The following RALGAPA2 variants were observed in gnomAD, a reference collection of about 807,000 sequenced individuals.
The protein encoded by RALGAPA2 is ral GTPase-activating protein subunit alpha-2.
In RALGAPA2, 139 loss-of-function variants were observed where a neutral mutation model predicts 230.4. That is an observed-to-expected ratio of 0.60 (90% CI 0.53 to 0.69). The LOEUF (loss-of-function observed/expected upper bound fraction) is 0.69. RALGAPA2 is among the 30% of genes least tolerant of loss of function. The pLI is 0.00. For missense variants in RALGAPA2, 2,163 were observed against 2,276.0 expected, an observed-to-expected ratio of 0.95 and a Z score of 1.01; for synonymous variants, 847 against 837.8, an observed-to-expected ratio of 1.01 and a Z score of -0.19.
chr20:20,649,038 GCA>G (rs1348311410), intron 4 of RALGAPA2, among the ~76,000 whole-genome samples: 1 of 152,152 alleles, frequency 6.6e-6, no homozygotes, highest in African/African-American at 2.4e-5. Flanking sequence ...AGGGGAAGAA[GCA>G]CAGAGCAGTA....
At chr20:20,689,086 TAA>T (rs2068805801) in intron 1 of RALGAPA2, among the ~76,000 whole-genome samples, 1 of 152,246 alleles carries the variant, frequency 6.6e-6, no homozygotes. Context: ...ATCTATTATA[TAA>T]AAGTCTCTAT....
intron 2 of RALGAPA2, among the ~76,000 whole-genome samples, chr20:20,678,556 C>T (rs1251134069): frequency 1.3e-5 from 2 of 152,066 alleles, no homozygotes; most frequent in South Asian, 2.1e-4. Flanking sequence ...GTCACCTGTA[C>T]GCTCCTCTCC....
intron 1 of RALGAPA2, among the ~76,000 whole-genome samples, chr20:20,687,984 T>C (rs2068766073): frequency 6.6e-6 from 1 of 152,152 alleles, no homozygotes; most frequent in Non-Finnish European, 1.5e-5. Context: ...GTACCTCCTA[T>C]GCGTGCAGTA....
chr20:20,629,826 T>A (rs533581868), intron 9 of RALGAPA2, among the ~76,000 whole-genome samples: 2 of 152,342 alleles, frequency 1.3e-5, no homozygotes, highest in East Asian at 3.9e-4. Context: ...TACTAAGCTA[T>A]TTCAGAAAGG....
intron 18 of RALGAPA2, among the ~76,000 whole-genome samples, chr20:20,588,869 GT>G (rs1376062659): frequency 1.3e-5 from 2 of 151,504 alleles, no homozygotes; most frequent in Admixed American, 1.3e-4. Flanking sequence ...TATGTTTTTT[GT>G]TTTTTGTTTT....
intron 37 of RALGAPA2, among the ~76,000 whole-genome samples, chr20:20,421,409 G>A (rs1408512479): frequency 2.6e-5 from 4 of 152,148 alleles, no homozygotes; most frequent in Admixed American, 1.3e-4. Context: ...AGTGGCTCAC[G>A]CCTGTAATCC....
chr20:20,452,016 C>A (rs1179456594), intron 37 of RALGAPA2, among the ~76,000 whole-genome samples: 1 of 152,194 alleles, frequency 6.6e-6, no homozygotes, highest in Non-Finnish European at 1.5e-5. Flanking sequence ...AGAAAGTTAA[C>A]TTCTACTAAA....
chr20:20,580,390 T>A (rs1223630679), intron 20 of RALGAPA2, among the ~76,000 whole-genome samples: 1 of 152,116 alleles, frequency 6.6e-6, no homozygotes, highest in Non-Finnish European at 1.5e-5. Flanking sequence ...ACCCTCCAAC[T>A]ACCTCCTTTC....
At position 20,503,450 on chromosome 20, in the gene RALGAPA2, G is replaced by A. The variant is rs758352534; in HGVS notation, c.5109C>T (p.Thr1703=). 3.0e-5 allele frequency: 49 copies of A among 1,607,242 alleles called. No homozygotes were observed. Among genetic ancestry groups the A allele is most frequent in the Non-Finnish European group, 3.7e-5 (43 of 1,177,034 alleles). ...TAGCATAGTAAGGGGCCGTCTGCCC[G>A]GTGCTGCCATTGCGCTGAAGGCCAC... ...FMGGLQRNGS[T]GQTAPYYATS... The change falls in exon 35 of 40, where the codon ACC becomes ACT. Residue 1703 remains threonine (T), a synonymous_variant. Coordinates refer to ENST00000202677, the MANE Select transcript of RALGAPA2 (RefSeq NM_020343.4).
intron 1 of RALGAPA2, among the ~76,000 whole-genome samples, chr20:20,700,197 A>C (rs1389339716): frequency 6.6e-6 from 1 of 152,190 alleles, no homozygotes; most frequent in Non-Finnish European, 1.5e-5. Context: ...TAAGCGAATT[A>C]ATGCAGGAAC....
chr20:20,409,439 A>G (rs529907504), intron 38 of RALGAPA2, among the ~76,000 whole-genome samples: 6 of 152,348 alleles, frequency 3.9e-5, no homozygotes, highest in African/African-American at 1.4e-4. Flanking sequence ...GTGCATACGC[A>G]TGTGAGCCCA....
chr20:20,572,228 A>G (rs1213858607), intron 21 of RALGAPA2, among the ~76,000 whole-genome samples: 1 of 152,164 alleles, frequency 6.6e-6, no homozygotes, highest in Non-Finnish European at 1.5e-5. Flanking sequence ...TAACATTTTA[A>G]TGAGTTATAC....
rs535864782 is a variant in RALGAPA2, at chr20:20,680,770, A to G, written c.138T>C (p.Phe46=). 211 of 1,590,182 alleles carry G rather than the reference A, an allele frequency of 1.3e-4. 3 individuals carry two copies. The South Asian group carries it at 2.2e-3, about 16-fold the overall frequency. Residue 46 remains phenylalanine (F), a synonymous_variant, in exon 2 of 40, where the codon TTT becomes TTC. Coordinates refer to ENST00000202677, the MANE Select transcript of RALGAPA2 (RefSeq NM_020343.4). ...ATATCTGAGAATAGTTGGTCTCAAA[A>G]AACTGCTTAAGATCATTTGCATCCA... The part of the protein sequence containing the change: ...DNVDANDLKQ[F]FETNYSQIYF...
At chr20:20,698,084 A>G (rs2069187965) in intron 1 of RALGAPA2, among the ~76,000 whole-genome samples, 1 of 152,160 alleles carries the variant, frequency 6.6e-6, no homozygotes, top group African/African-American at 2.4e-5. Context: ...AAAGAAAAAA[A>G]AAAGCCTAGT....
chr20:20,604,108 C>T (rs142437761), intron 15 of RALGAPA2, among the ~76,000 whole-genome samples: 1 of 152,346 alleles, frequency 6.6e-6, no homozygotes, highest in African/African-American at 2.4e-5. Flanking sequence ...GGCTCTATGG[C>T]ATGTATTTTG....
intron 36 of RALGAPA2, among the ~76,000 whole-genome samples, chr20:20,476,848 A>G (rs1485548428): frequency 6.6e-6 from 1 of 152,172 alleles, no homozygotes; most frequent in African/African-American, 2.4e-5. Context: ...ACAAATTAAA[A>G]GTTTGTGTTA....
intron 24 of RALGAPA2, among the ~76,000 whole-genome samples, chr20:20,543,918 A>G (rs567959315): frequency 1.6e-4 from 25 of 151,740 alleles, no homozygotes; most frequent in African/African-American, 6.0e-4. Context: ...ATTAAAAAAT[A>G]AAACTGTATA....
At chr20:20,624,211 C>T (rs2066414575) in intron 10 of RALGAPA2, among the ~76,000 whole-genome samples, 1 of 151,372 alleles carries the variant, frequency 6.6e-6, no homozygotes, top group South Asian at 2.1e-4. Flanking sequence ...CCTGTAATCC[C>T]AGCTATTTGG....
chr20:20,688,871 A>G (rs1435536195), intron 1 of RALGAPA2, among the ~76,000 whole-genome samples: 1 of 152,208 alleles, frequency 6.6e-6, no homozygotes, highest in Non-Finnish European at 1.5e-5. Context: ...TGGACCAAAA[A>G]AGATTCCTCC....
Sources: allele counts gnomAD v4.1 joint callset (sites outside exome capture counted in the v4.1 genomes callset), GRCh38; gene constraint gnomAD v4.1.1; transcripts MANE v1.5; gene names NCBI Gene and HGNC (gene_info 2026-07-23, HGNC 2026-07-21).